CCSER1: variants seen among roughly 807,000 people sequenced by gnomAD.
CCSER1 encodes coiled-coil serine rich protein 1.
CCSER1 carries 41 observed loss-of-function variants against 82.0 expected under a neutral mutation model. The ratio of observed to expected loss-of-function variants is 0.50; its 90% CI spans 0.39 to 0.65. The LOEUF (loss-of-function observed/expected upper bound fraction) is 0.65. Among genes scored for constraint, CCSER1 ranks in the 30% least tolerant of loss-of-function variants. The probability of loss-of-function intolerance (pLI) is 0.00; values close to 1 mark genes in which losing one functional copy is unlikely to be tolerated. For missense variants in CCSER1, 1,119 were observed against 1,064.2 expected (o/e 1.05, Z -0.72); for synonymous variants, 414 against 383.9 (o/e 1.08, Z -0.92).
intron 9 of CCSER1, among the ~76,000 whole-genome samples, chr4:91,039,109 G>A (rs1741696027): frequency 6.6e-6 from 1 of 152,076 alleles, no homozygotes; most frequent in Non-Finnish European, 1.5e-5. Context: ...GCTCACTGCA[G>A]CCTCAACCAC....
At chr4:90,429,978 C>T (rs1758055483) in intron 4 of CCSER1, among the ~76,000 whole-genome samples, 1 of 151,712 alleles carries the variant, frequency 6.6e-6, no homozygotes, top group African/African-American at 2.4e-5. Context: ...TTTACTAAGT[C>T]TCACATATAA....
chr4:90,513,241 G>A (rs1771804693), intron 5 of CCSER1, among the ~76,000 whole-genome samples: 2 of 152,168 alleles, frequency 1.3e-5, no homozygotes, highest in Admixed American at 1.3e-4. Flanking sequence ...GGATGGTTAG[G>A]CCAAAGAAAT....
At chr4:91,051,387 A>C (rs1742992536) in intron 9 of CCSER1, among the ~76,000 whole-genome samples, 1 of 152,184 alleles carries the variant, frequency 6.6e-6, no homozygotes, top group Admixed American at 6.5e-5. Flanking sequence ...AGTAACATCA[A>C]TTGCTATTGG....
intron 5 of CCSER1, among the ~76,000 whole-genome samples, chr4:90,479,736 A>G (rs552731204): frequency 2.3e-4 from 35 of 152,300 alleles, no homozygotes; most frequent in Non-Finnish European, 4.3e-4. Flanking sequence ...ATAGTATTCT[A>G]CGGTGTATAT....
chr4:90,819,038 T>C (rs1205103136), intron 8 of CCSER1, among the ~76,000 whole-genome samples: 1 of 152,182 alleles, frequency 6.6e-6, no homozygotes, highest in Non-Finnish European at 1.5e-5. Context: ...TTCTGGAGGA[T>C]AGAAGTCTGA....
At chr4:91,351,532 T>G (rs1467987067) in intron 10 of CCSER1, among the ~76,000 whole-genome samples, 2 of 152,098 alleles carry the variant, frequency 1.3e-5, no homozygotes, top group Non-Finnish European at 2.9e-5. Flanking sequence ...ACAAAAATAC[T>G]TACTTATAAA....
At chr4:91,022,536 T>C (rs1291886214) in intron 9 of CCSER1, among the ~76,000 whole-genome samples, 1 of 152,140 alleles carries the variant, frequency 6.6e-6, no homozygotes. Context: ...GTAATGGGAT[T>C]GCTAGGTCAA....
At chr4:90,333,841 AC>A (rs1739848043) in intron 3 of CCSER1, among the ~76,000 whole-genome samples, 1 of 152,184 alleles carries the variant, frequency 6.6e-6, no homozygotes. Flanking sequence ...AAAGTTGGAT[AC>A]AAAATCGGTT....
intron 8 of CCSER1, among the ~76,000 whole-genome samples, chr4:90,884,959 C>G (rs1721902377): frequency 6.6e-6 from 1 of 152,076 alleles, no homozygotes; most frequent in African/African-American, 2.4e-5. Context: ...TTTGTATGAT[C>G]TTTGTCCTTT....
intron 1 of CCSER1, among the ~76,000 whole-genome samples, chr4:90,163,528 T>A (rs1457078662): frequency 1.3e-5 from 2 of 151,756 alleles, no homozygotes; most frequent in African/African-American, 4.9e-5. Context: ...AACCCACATT[T>A]TTTACCTATT....
chr4:91,505,639 G>C (rs6849682), intron 10 of CCSER1, among the ~76,000 whole-genome samples: 77,437 of 151,974 alleles, frequency 0.51, 19,941 homozygotes, highest in East Asian at 0.56. Context: ...TCACCATTCT[G>C]ACTGACATGA....
At chr4:90,734,164 C>T (rs185584831) in intron 7 of CCSER1, among the ~76,000 whole-genome samples, 3 of 151,832 alleles carry the variant, frequency 2.0e-5, no homozygotes, top group East Asian at 1.9e-4. Flanking sequence ...CTCGCTTTGT[C>T]GCCCAGGCTG....
chr4:90,918,914 T>C (rs1727942875), intron 8 of CCSER1, among the ~76,000 whole-genome samples: 1 of 151,786 alleles, frequency 6.6e-6, no homozygotes, highest in African/African-American at 2.4e-5. Context: ...AGTTTTTGTT[T>C]GTTTGACATC....
intron 10 of CCSER1, among the ~76,000 whole-genome samples, chr4:91,323,623 C>T (rs976602900): frequency 1.3e-5 from 2 of 152,026 alleles, no homozygotes; most frequent in African/African-American, 2.4e-5. Flanking sequence ...CAATTTTGAA[C>T]GATTTTTCTA....
At chr4:91,519,506 T>C (rs1025973405) in intron 10 of CCSER1, among the ~76,000 whole-genome samples, 3 of 152,200 alleles carry the variant, frequency 2.0e-5, no homozygotes. Flanking sequence ...TCGGGGCCTA[T>C]AGGGAGCCTA....
chr4:90,903,881 C>G (rs1725052453), intron 8 of CCSER1, among the ~76,000 whole-genome samples: 1 of 150,474 alleles, frequency 6.6e-6, no homozygotes, highest in African/African-American at 2.4e-5. Context: ...TAGTAACCAA[C>G]CTGAAAGTAG....
intron 10 of CCSER1, among the ~76,000 whole-genome samples, chr4:91,410,973 G>A (rs1329816051): frequency 6.6e-6 from 1 of 151,974 alleles, no homozygotes; most frequent in Non-Finnish European, 1.5e-5. Flanking sequence ...TCTGTATGAA[G>A]TCACTTCATC....
chr4:91,348,360 A>G (rs1022131527), intron 10 of CCSER1, among the ~76,000 whole-genome samples: 5 of 152,100 alleles, frequency 3.3e-5, no homozygotes, highest in Admixed American at 2.6e-4. Flanking sequence ...TTCTTTATAT[A>G]CATTGTTGGA....
intron 6 of CCSER1, among the ~76,000 whole-genome samples, chr4:90,710,776 T>G (rs1395757012): frequency 6.6e-6 from 1 of 152,178 alleles, no homozygotes; most frequent in Non-Finnish European, 1.5e-5. Flanking sequence ...TGCCTTCAGC[T>G]TTGTTCTTTT....
Sources: allele counts gnomAD v4.1 joint callset (sites outside exome capture counted in the v4.1 genomes callset), GRCh38; gene constraint gnomAD v4.1.1; transcripts MANE v1.5; gene names NCBI Gene and HGNC (gene_info 2026-07-23, HGNC 2026-07-21).